The following DGKB variants were observed in gnomAD, a reference collection of about 807,000 sequenced individuals.
The protein encoded by DGKB is 90 kDa diacylglycerol kinase.
Under a neutral mutation model 114.3 loss-of-function variants are expected in DGKB, and 67 were observed. The observed-to-expected ratio is 0.59, with a 90% CI of 0.48 to 0.72. The LOEUF (loss-of-function observed/expected upper bound fraction) is 0.72, where lower values mean the gene tolerates loss of function less well. Ranked by LOEUF, DGKB falls within the 30% of genes least tolerant of loss-of-function variation. The pLI is 0.00. For synonymous variants in DGKB, 398 were observed against 323.1 expected, an observed-to-expected ratio of 1.23 and a Z score of -2.49; for missense variants, 907 against 975.2, an observed-to-expected ratio of 0.93 and a Z score of 0.93.
chr7:14,919,644 A>G (rs6945882), intron 1 of DGKB, among the ~76,000 whole-genome samples: 40,915 of 152,144 alleles, frequency 0.27, 9,200 homozygotes, highest in East Asian at 0.82. Context: ...ACTATGGTAC[A>G]TCTCTAAAAT....
At chr7:14,901,119 T>C (rs1023062873) in intron 1 of DGKB, among the ~76,000 whole-genome samples, 2 of 152,208 alleles carry the variant, frequency 1.3e-5, no homozygotes, top group Admixed American at 6.5e-5. Flanking sequence ...GTGTGTGGCA[T>C]GGATCGCCTA....
chr7:14,609,081 A>AC (rs961152908), intron 16 of DGKB, among the ~76,000 whole-genome samples: 5 of 152,114 alleles, frequency 3.3e-5, no homozygotes, highest in African/African-American at 1.2e-4. Context: ...TTCATGTTTA[A>AC]CCAAAAAACA....
intron 2 of DGKB, among the ~76,000 whole-genome samples, chr7:14,792,318 G>A (rs575771384): frequency 2.6e-5 from 4 of 152,056 alleles, no homozygotes; most frequent in South Asian, 2.1e-4. Context: ...TGCTTTATTC[G>A]TGTTTTAAAA....
In DGKB at chr7:14,787,625, AAC is replaced by A. The variant is rs551249340; in HGVS notation, c.71-29896_71-29895del. On this transcript the variant is annotated intron_variant, in intron 2 of 25. Coordinates refer to ENST00000402815, the MANE Select transcript of DGKB (RefSeq NM_001350709.2). ...CTTAAAGGTGAAGTGTGGTCGGGGT[AAC>A]AGTTTAGTCTGGAGAACTAAGAGTC... Among the ~76,000 whole-genome samples the A allele has an allele frequency of 4.6e-5, 7 of 152,312 alleles. No homozygotes were observed. The East Asian group carries it at 1.2e-3, about 25-fold the overall frequency.
intron 23 of DGKB, among the ~76,000 whole-genome samples, chr7:14,320,418 TC>T (rs1004047244): frequency 1.3e-5 from 2 of 151,664 alleles, no homozygotes; most frequent in Non-Finnish European, 2.9e-5. Flanking sequence ...CATATAGTTT[TC>T]TGCTGCCAAT....
intron 21 of DGKB, among the ~76,000 whole-genome samples, chr7:14,437,402 C>G (rs1359267854): frequency 1.3e-5 from 2 of 152,074 alleles, no homozygotes; most frequent in East Asian, 3.9e-4. Flanking sequence ...CACTTACCAG[C>G]TCATTGGTTT....
intron 6 of DGKB, among the ~76,000 whole-genome samples, chr7:14,713,454 T>C (rs999863982): frequency 3.3e-5 from 5 of 152,066 alleles, no homozygotes; most frequent in African/African-American, 1.2e-4. Context: ...CTTAGGTGTG[T>C]TTGACATCCA....
chr7:14,214,858 G>T (rs1293117902), intron 23 of DGKB, among the ~76,000 whole-genome samples: 5 of 152,116 alleles, frequency 3.3e-5, no homozygotes, highest in Non-Finnish European at 7.3e-5. Context: ...GTACTGAATT[G>T]AGAAGGCCAA....
intron 8 of DGKB, among the ~76,000 whole-genome samples, chr7:14,694,981 G>T (rs960614523): frequency 6.6e-6 from 1 of 151,910 alleles, no homozygotes; most frequent in African/African-American, 2.4e-5. Flanking sequence ...TGGCAAACAT[G>T]GTAAGAATTC....
At chr7:14,813,882 TTTATA>T (rs1261103717) in intron 2 of DGKB, among the ~76,000 whole-genome samples, 3 of 152,184 alleles carry the variant, frequency 2.0e-5, no homozygotes, top group Non-Finnish European at 2.9e-5. Context: ...TGCTTGTGTT[TTTATA>T]TTATGTGTTT....
chr7:14,356,584 T>C (rs921615000), intron 21 of DGKB, among the ~76,000 whole-genome samples: 1 of 151,926 alleles, frequency 6.6e-6, no homozygotes, highest in Non-Finnish European at 1.5e-5. Context: ...ATGGTCTCAA[T>C]CTCCTGACCT....
In DGKB at chr7:14,708,701, A is replaced by C. The variant is rs1396463920; in HGVS notation, c.467-6971T>G. Among the ~76,000 whole-genome samples the C allele has an allele frequency of 3.3e-3, 497 of 151,302 alleles. 1 individual carries two copies. Among genetic ancestry groups the C allele is most frequent in the African/African-American group, 0.011 (460 of 40,774 alleles). Reference sequence around the variant, plus strand: ...CTGATCTTTGACAAACCTGAGAAAAACAAGAAATGGGGAAAGGATTCCCTA... The same window carrying C: ...CTGATCTTTGACAAACCTGAGAAAACCAAGAAATGGGGAAAGGATTCCCTA... On this transcript the variant is annotated intron_variant, in intron 6 of 25. Transcript: ENST00000402815.
intron 23 of DGKB, among the ~76,000 whole-genome samples, chr7:14,264,190 T>C (rs1035120514): frequency 3.9e-5 from 6 of 152,216 alleles, no homozygotes; most frequent in Non-Finnish European, 7.3e-5. Context: ...TTGACTGTTA[T>C]ATGTTCTGTT....
Position 14,280,510 on chromosome 7 carries a change from C to T in DGKB, c.2122+58005G>A, listed in dbSNP as rs1368823270. ...ATTCAGATTCAGGAAATACAGAGAA[C>T]GCCACAAAGATACTCCTCGAGAAGA... is the stretch of plus-strand genomic sequence containing the variant. On this transcript the variant is annotated intron_variant, in intron 23 of 25. Coordinates refer to ENST00000402815, the MANE Select transcript of DGKB (RefSeq NM_001350709.2). 1.1e-3 allele frequency among the ~76,000 whole-genome samples: 159 copies of T among 148,374 alleles called. 1 individual carries two copies. Among genetic ancestry groups the T allele is most frequent in the Middle Eastern group, 7.0e-3 (2 of 286 alleles).
intron 23 of DGKB, among the ~76,000 whole-genome samples, chr7:14,241,372 C>CA (rs1793617377): frequency 2.6e-5 from 4 of 151,878 alleles, no homozygotes; most frequent in Admixed American, 2.0e-4. Flanking sequence ...CTGTTTTGAC[C>CA]AGGCAAAGAA....
chr7:14,213,499 T>C (rs570720323), intron 23 of DGKB, among the ~76,000 whole-genome samples: 2 of 152,196 alleles, frequency 1.3e-5, no homozygotes, highest in South Asian at 4.1e-4. Context: ...AGATGTAGAG[T>C]GAACAGCCTT....
intron 25 of DGKB, among the ~76,000 whole-genome samples, chr7:14,150,774 G>A (rs1426809259): frequency 6.6e-6 from 1 of 152,070 alleles, no homozygotes; most frequent in African/African-American, 2.4e-5. Flanking sequence ...CAGCATTAGA[G>A]TATACTGTAC....
At chr7:14,171,184 C>G (rs538059597) in intron 25 of DGKB, among the ~76,000 whole-genome samples, 1 of 152,132 alleles carries the variant, frequency 6.6e-6, no homozygotes, top group East Asian at 1.9e-4. Context: ...AGGGAAGGTA[C>G]AGAAAAAAGG....
intron 9 of DGKB, among the ~76,000 whole-genome samples, chr7:14,687,618 G>T (rs79517670): frequency 0.025 from 3,859 of 152,028 alleles, 123 homozygotes; most frequent in Admixed American, 0.071. Context: ...GGTTAAATAT[G>T]GGGTTGTTAA....
Sources: allele counts gnomAD v4.1 joint callset (sites outside exome capture counted in the v4.1 genomes callset), GRCh38; gene constraint gnomAD v4.1.1; transcripts MANE v1.5; gene names NCBI Gene and HGNC (gene_info 2026-07-23, HGNC 2026-07-21).